The following POLR3B variants were observed in gnomAD, a reference collection of about 807,000 sequenced individuals.
POLR3B encodes the protein RNA polymerase III subunit B, also known as DNA-directed RNA polymerase III subunit RPC2.
In POLR3B, 96 loss-of-function variants were observed where a neutral mutation model predicts 147.4. The observed-to-expected ratio is 0.65, with a 90% CI of 0.55 to 0.77. POLR3B has a LOEUF of 0.77. Among genes scored for constraint, POLR3B ranks in the 30% least tolerant of loss-of-function variants. POLR3B has a pLI of 0.00. For synonymous variants in POLR3B, 461 were observed against 485.9 expected (o/e 0.95, Z 0.67); for missense variants, 1,036 against 1,413.5 (o/e 0.73, Z 4.28).
At chr12:106,474,866 T>C (rs974810946) in intron 23 of POLR3B, among the ~76,000 whole-genome samples, 20 of 152,002 alleles carry the variant, frequency 1.3e-4, no homozygotes, top group Non-Finnish European at 2.5e-4. Context: ...TCTATTTCTT[T>C]CAGTTCTGCT....
chr12:106,486,291 A>AG (rs938530770), intron 23 of POLR3B, among the ~76,000 whole-genome samples: 6 of 129,084 alleles, frequency 4.6e-5, no homozygotes, highest in African/African-American at 2.2e-4. Flanking sequence ...CCGTCTCAAA[A>AG]AAAAAAAAAA....
chr12:106,438,640 A>G (rs1214810701), intron 18 of POLR3B, among the ~76,000 whole-genome samples: 2 of 152,142 alleles, frequency 1.3e-5, no homozygotes, highest in African/African-American at 2.4e-5. Flanking sequence ...GATTACAGGC[A>G]TGAGCCACCA....
In POLR3B at chr12:106,489,961, C is replaced by T. The variant is rs529730502; in HGVS notation, c.2714-6094C>T. Among the ~76,000 whole-genome samples, 56 of 152,082 alleles carry T rather than the reference C, an allele frequency of 3.7e-4. 1 individual carries two copies. Among genetic ancestry groups the T allele is most frequent in the Non-Finnish European group, 6.5e-4 (44 of 68,016 alleles). ...CATAAGGTGTATGATGCCAAATGATCCATCAGAGTTTCAGTCCAAAACCAA... is the reference window on the plus strand; with the variant it reads ...CATAAGGTGTATGATGCCAAATGATTCATCAGAGTTTCAGTCCAAAACCAA... On this transcript the variant is annotated intron_variant, in intron 23 of 27. Transcript: ENST00000228347.
intron 7 of POLR3B, among the ~76,000 whole-genome samples, chr12:106,377,461 G>T (rs919929385): frequency 2.0e-5 from 3 of 152,146 alleles, no homozygotes; most frequent in Non-Finnish European, 2.9e-5. Flanking sequence ...ATAAAATGAA[G>T]TATTACTTTA....
intron 19 of POLR3B, chr12:106,446,279 C>T (rs754606680): frequency 4.6e-5 from 21 of 455,788 alleles, no homozygotes; most frequent in African/African-American, 2.4e-4. Context: ...ATCACTTCAT[C>T]GCTAATGCCA....
chr12:106,429,341 C>T lies in POLR3B; in HGVS notation c.1264-932C>T, dbSNP rs149024096. 2.9e-3 allele frequency among the ~76,000 whole-genome samples: 440 copies of T among 152,170 alleles called. 4 individuals are homozygous for T. The highest frequency in any genetic ancestry group is 9.9e-3 in the African/African-American group (413 of 41,518). On this transcript the variant is annotated intron_variant, in intron 13 of 27. Coordinates refer to ENST00000228347, the MANE Select transcript of POLR3B (RefSeq NM_018082.6). ...TCTTAGTAGAGATGAGGTTTTGCCA[C>T]GTTGGCAGGCTGGTCTTGAACTCCT...
chr12:106,415,329 G>A (rs1378020250), intron 12 of POLR3B, among the ~76,000 whole-genome samples: 5 of 152,192 alleles, frequency 3.3e-5, no homozygotes, highest in Non-Finnish European at 5.9e-5. Context: ...TACCAAGTTA[G>A]GGAATGATGT....
rs762768717 is a variant in POLR3B at position 106,504,299 on chromosome 12, T to C, written c.3272+45T>C. ...CTCCCATACCACACCCCTTGCCTCTTAAATCACAGCTCAAGAATTGACCCT... is the reference window on the plus strand; with the variant it reads ...CTCCCATACCACACCCCTTGCCTCTCAAATCACAGCTCAAGAATTGACCCT... On this transcript the variant is annotated intron_variant, in intron 27 of 27. Coordinates refer to ENST00000228347, the MANE Select transcript of POLR3B (RefSeq NM_018082.6). The surrounding 1 kb of genome is among the most constrained non-coding windows in gnomAD (Gnocchi z 4.6). 8.0e-6 allele frequency: 12 copies of C among 1,491,294 alleles called. 1 individual carries two copies. In the Middle Eastern group the frequency reaches 6.9e-4, roughly 86 times the overall value. The allele number at this position is 1,491,294 out of a possible 1,614,324, so 92.4% of individuals were successfully genotyped here.
At chr12:106,477,891 C>CTTTTTTTTTT (rs34915594) in intron 23 of POLR3B, among the ~76,000 whole-genome samples, 5 of 70,546 alleles carry the variant, frequency 7.1e-5, no homozygotes, top group African/African-American at 1.7e-4. Flanking sequence ...GGCTCCTCCC[C>CTTTTTTTTTT]TTTTTTTTTT....
intron 12 of POLR3B, among the ~76,000 whole-genome samples, chr12:106,413,154 A>G (rs1456963077): frequency 6.6e-6 from 1 of 151,926 alleles, no homozygotes; most frequent in African/African-American, 2.4e-5. Context: ...CTATTTGTCT[A>G]TTATTTTCTC....
intron 20 of POLR3B, among the ~76,000 whole-genome samples, chr12:106,456,376 G>A (rs2037862922): frequency 6.6e-6 from 1 of 151,638 alleles, no homozygotes; most frequent in Admixed American, 6.6e-5. Flanking sequence ...TTGATGTTTA[G>A]ATTGTTAGTT....
At chr12:106,476,852 ACTT>A (rs1448619333) in intron 23 of POLR3B, among the ~76,000 whole-genome samples, 2 of 152,016 alleles carry the variant, frequency 1.3e-5, no homozygotes, top group South Asian at 2.1e-4. Flanking sequence ...TCGTCTGAAG[ACTT>A]CTTCTCTCAG....
At chr12:106,482,051 A>G (rs2038274846) in intron 23 of POLR3B, among the ~76,000 whole-genome samples, 2 of 152,244 alleles carry the variant, frequency 1.3e-5, no homozygotes, top group South Asian at 4.1e-4. Flanking sequence ...AACAATCATC[A>G]GAGAAGCATT....
intron 9 of POLR3B, among the ~76,000 whole-genome samples, chr12:106,384,236 G>T (rs1001144947): frequency 6.6e-6 from 1 of 152,142 alleles, no homozygotes; most frequent in Non-Finnish European, 1.5e-5. Flanking sequence ...ATATGTACCT[G>T]TAGTTACATA....
chr12:106,508,422 C>T (rs2137095845), intron 27 of POLR3B, among the ~76,000 whole-genome samples: 2 of 152,302 alleles, frequency 1.3e-5, no homozygotes, highest in East Asian at 3.9e-4. Context: ...GCCTCAGTTG[C>T]TATTCTTCTT....
chr12:106,367,535 A>G (rs1181690654), intron 4 of POLR3B, among the ~76,000 whole-genome samples: 1 of 152,180 alleles, frequency 6.6e-6, no homozygotes, highest in Non-Finnish European at 1.5e-5. Flanking sequence ...CATGACATTG[A>G]CACTTTTGAA....
chr12:106,381,995 G>T (rs1593008614), intron 9 of POLR3B: 1 of 152,262 alleles, frequency 6.6e-6, no homozygotes, highest in African/African-American at 2.4e-5. Context: ...GCTAGTAGGA[G>T]TGTGAGGATG....
chr12:106,378,315 A>G lies in POLR3B; in HGVS notation c.545A>G (p.Glu182Gly). The G allele has an allele frequency of 6.2e-7, 1 of 1,613,920 alleles. No individual in the cohort carries two copies. The highest frequency in any genetic ancestry group is 8.5e-7 in the Non-Finnish European group (1 of 1,179,800). ...GTAGAAAAAGTTATTCTTATCCAAG[A>G]GCAGCTGTCTAAGAACAGGATCATC... is the stretch of plus-strand genomic sequence containing the variant. ...KGVEKVILIQ[E>G]QLSKNRIIVE... is the part of the protein sequence containing the mutation. The change falls in exon 8 of 28, where the codon GAG becomes GGG. Residue 182 changes from glutamate (E) to glycine (G), a missense_variant. This residue lies in a region of POLR3B where 217 missense variants were observed against 288.7 expected (regional missense o/e 0.75). Transcript: ENST00000228347.
intron 12 of POLR3B, among the ~76,000 whole-genome samples, chr12:106,424,516 A>T (rs1267735938): frequency 2.6e-5 from 4 of 152,136 alleles, no homozygotes; most frequent in African/African-American, 7.2e-5. Context: ...ATCCTGGTCC[A>T]TTTATTAGCT....
Sources: allele counts gnomAD v4.1 joint callset (sites outside exome capture counted in the v4.1 genomes callset), GRCh38; gene constraint gnomAD v4.1.1; regional missense constraint gnomAD v4.1.1; non-coding constraint Gnocchi (gnomAD v3.1); transcripts MANE v1.5; gene names NCBI Gene and HGNC (gene_info 2026-07-23, HGNC 2026-07-21).